CCDC85C: variants seen among roughly 807,000 people sequenced by gnomAD.
The protein encoded by CCDC85C is coiled-coil domain containing 85C.
Under a neutral mutation model 38.3 loss-of-function variants are expected in CCDC85C, and 18 were observed. That is an observed-to-expected ratio of 0.47 (90% CI 0.33 to 0.70). The LOEUF (loss-of-function observed/expected upper bound fraction) is 0.70, where lower values mean the gene tolerates loss of function less well. Among genes scored for constraint, CCDC85C ranks in the 30% least tolerant of loss-of-function variants. The probability of loss-of-function intolerance (pLI) is 0.03; values close to 1 mark genes in which losing one functional copy is unlikely to be tolerated. For synonymous variants in CCDC85C, 264 were observed against 293.8 expected (o/e 0.90, Z 1.04); for missense variants, 566 against 621.2 (o/e 0.91, Z 0.94).
intron 1 of CCDC85C, among the ~76,000 whole-genome samples, chr14:99,552,386 G>A (rs148741333): frequency 6.6e-6 from 1 of 152,216 alleles, no homozygotes; most frequent in Non-Finnish European, 1.5e-5. Context: ...TTGCAGGGAG[G>A]GGGAGGCGCA....
chr14:99,591,389 C>T (rs899838982), intron 1 of CCDC85C, among the ~76,000 whole-genome samples: 2 of 152,240 alleles, frequency 1.3e-5, no homozygotes, highest in African/African-American at 4.8e-5. Flanking sequence ...CACCTACAGC[C>T]GCAGGACATC....
chr14:99,570,483 G>T (rs1165367659), intron 1 of CCDC85C, among the ~76,000 whole-genome samples: 1 of 152,218 alleles, frequency 6.6e-6, no homozygotes, highest in African/African-American at 2.4e-5. Flanking sequence ...TCACGGCAGG[G>T]GCCAGAGGGG....
In CCDC85C at chr14:99,603,032, G is replaced by T. The variant is rs2055220643; in HGVS notation, c.793+135C>A. ...GTGAGTGCGGGATCCCCTGGCCCAG[G>T]ATCCATGACAGCTGGAGGAGTCTGG... On this transcript the variant is annotated intron_variant, in intron 1 of 5. Coordinates refer to ENST00000380243, the MANE Select transcript of CCDC85C (RefSeq NM_001144995.2). The surrounding 1 kb of genome is among the most constrained non-coding windows in gnomAD (Gnocchi z 7.5). The T allele has an allele frequency of 1.5e-5, 17 of 1,152,026 alleles. No homozygotes were observed. The highest frequency in any genetic ancestry group is 3.8e-5 in the South Asian group (1 of 26,098). The allele number at this position is 1,152,026 out of a possible 1,614,324, so 71.4% of individuals were successfully genotyped here.
At chr14:99,526,556 G>A (rs1483518803) in intron 2 of CCDC85C, among the ~76,000 whole-genome samples, 1 of 152,168 alleles carries the variant, frequency 6.6e-6, no homozygotes, top group Non-Finnish European at 1.5e-5. Flanking sequence ...ACGGCCCAGT[G>A]ACCACCCCGT....
In CCDC85C at chr14:99,601,742, G is replaced by C. The variant is rs552711710; in HGVS notation, c.793+1425C>G. Reference sequence around the variant, plus strand: ...CCTGAAGCAGCCTGTGGTGGGAGGTGGGGGTGGATACAGTGTTACAAAGAG... The same window carrying C: ...CCTGAAGCAGCCTGTGGTGGGAGGTCGGGGTGGATACAGTGTTACAAAGAG... On this transcript the variant is annotated intron_variant, in intron 1 of 5. Transcript: ENST00000380243. Among the ~76,000 whole-genome samples, 193 of 152,312 alleles carry C rather than the reference G, an allele frequency of 1.3e-3. 1 individual carries two copies. The highest frequency in any genetic ancestry group is 1.0e-3 in the Non-Finnish European group (71 of 68,034).
At position 99,510,556 on chromosome 14, in the gene CCDC85C, AC is replaced by A; in HGVS notation, c.*4689del. 2 of 261,180 alleles carry A rather than the reference AC, an allele frequency of 7.7e-6. No individual in the cohort carries two copies. Among genetic ancestry groups the A allele is most frequent in the South Asian group, 2.3e-5 (1 of 42,558 alleles). 16.2% of individuals were successfully genotyped at this position (261,180 alleles called of 1,614,324 possible). A position where few individuals can be genotyped will look rare whatever the true frequency, so the allele number is the denominator to read the frequency against. On this transcript the variant is annotated 3_prime_UTR_variant, in exon 6 of 6. Transcript: ENST00000380243. ...GCCATCCCACCCCCTACTCCTGGCT[AC>A]CCCCCACCCCCACCCACCTACAACC...
intron 1 of CCDC85C, among the ~76,000 whole-genome samples, chr14:99,536,662 T>TGCA (rs1897607229): frequency 6.6e-6 from 1 of 152,216 alleles, no homozygotes. Context: ...CAGCATATGC[T>TGCA]GCAGGTGAGC....
At chr14:99,518,710 T>TCATGTCCC (rs374149958) in intron 3 of CCDC85C, among the ~76,000 whole-genome samples, 1,768 of 152,244 alleles carry the variant, frequency 0.012, 32 homozygotes, top group African/African-American at 0.041. Flanking sequence ...ACCTCTGGCC[T>TCATGTCCC]CATCTGCACC....
chr14:99,603,067 C>A lies in CCDC85C; in HGVS notation c.793+100G>T. 2 of 1,246,544 alleles carry A rather than the reference C, an allele frequency of 1.6e-6. No individual in the cohort carries two copies. Among genetic ancestry groups the A allele is most frequent in the African/African-American group, 3.1e-5 (2 of 64,254 alleles). The allele number at this position is 1,246,544 out of a possible 1,614,324, so 77.2% of individuals were successfully genotyped here. ...AGCTGGAGGAGTCTGGAGTGGCGGCCGCATGAGTGGGACAGCCAGGGACCA... is the reference window on the plus strand; with the variant it reads ...AGCTGGAGGAGTCTGGAGTGGCGGCAGCATGAGTGGGACAGCCAGGGACCA... On this transcript the variant is annotated intron_variant, in intron 1 of 5. Transcript: ENST00000380243. This position sits in a 1 kb window ranked among gnomAD's most constrained non-coding sequence, Gnocchi z 7.5.
At chr14:99,581,781 T>C (rs917707765) in intron 1 of CCDC85C, among the ~76,000 whole-genome samples, 1 of 152,332 alleles carries the variant, frequency 6.6e-6, no homozygotes, top group East Asian at 1.9e-4. Context: ...TGGCCCCAGA[T>C]GTGAGCAGCT....
Position 99,545,922 on chromosome 14 carries a change from TC to T in CCDC85C, c.794-9835del, listed in dbSNP as rs1041923917. On this transcript the variant is annotated intron_variant, in intron 1 of 5. Coordinates refer to ENST00000380243, the MANE Select transcript of CCDC85C (RefSeq NM_001144995.2). This position sits in a 1 kb window ranked among gnomAD's most constrained non-coding sequence, Gnocchi z 4.7. ...GTGGTCACTGTTCCAATCATCCAAC[TC>T]CCAGCCTCCAACTCCGAGGGACCCT... Among the ~76,000 whole-genome samples the T allele has an allele frequency of 6.6e-6, 1 of 152,010 alleles. No homozygotes were observed. The highest frequency in any genetic ancestry group is 2.4e-5 in the African/African-American group (1 of 41,384).
chr14:99,503,029 T>G lies in CCDC85C; in HGVS notation c.*12217A>C. On this transcript the variant is annotated 3_prime_UTR_variant, in exon 6 of 6. Coordinates refer to ENST00000380243, the MANE Select transcript of CCDC85C (RefSeq NM_001144995.2). The stretch of plus-strand genomic sequence containing the variant: ...CCCTGGGTAGAGCAGGCTTTCCAGG[T>G]GGCGGCAACACCTGAGCACTGTTCC... 1 of 1,602,118 alleles carries G rather than the reference T, an allele frequency of 6.2e-7. No individual in the cohort carries two copies.
chr14:99,555,391 T>C (rs553112981), intron 1 of CCDC85C, among the ~76,000 whole-genome samples: 2 of 152,306 alleles, frequency 1.3e-5, no homozygotes, highest in African/African-American at 4.8e-5. Context: ...GTCAGTGGCA[T>C]GGCCGGGGTG....
At chr14:99,563,767 C>T (rs1328031527) in intron 1 of CCDC85C, among the ~76,000 whole-genome samples, 1 of 152,200 alleles carries the variant, frequency 6.6e-6, no homozygotes, top group Non-Finnish European at 1.5e-5. Flanking sequence ...TCTCTGTGGG[C>T]AAGGGGACAT....
chr14:99,557,105 CCT>C (rs1283816425), intron 1 of CCDC85C, among the ~76,000 whole-genome samples: 2 of 152,222 alleles, frequency 1.3e-5, no homozygotes, highest in Non-Finnish European at 1.5e-5. Flanking sequence ...GAGCACTTTA[CCT>C]CTGTTACCTT....
Position 99,501,272 on chromosome 14 carries a change from A to G in CCDC85C, c.*13974T>C. The G allele has an allele frequency of 1.1e-6, 1 of 869,626 alleles. No homozygotes were observed. The highest frequency in any genetic ancestry group is 1.3e-5 in the South Asian group (1 of 74,162). 53.9% of individuals were successfully genotyped at this position (869,626 alleles called of 1,614,324 possible). On this transcript the variant is annotated 3_prime_UTR_variant, in exon 6 of 6. Transcript: ENST00000380243. ...GCTGTGTATTTGAGTGGTGCTGAAC[A>G]CGTGGTAGGTTTTTAATAAATACTT... is the stretch of plus-strand genomic sequence containing the variant.
At position 99,558,886 on chromosome 14, in the gene CCDC85C, C is replaced by T. The variant is rs1202193116; in HGVS notation, c.794-22798G>A. Among the ~76,000 whole-genome samples, 3 of 152,156 alleles carry T rather than the reference C, an allele frequency of 2.0e-5. No homozygotes were observed. The highest frequency in any genetic ancestry group is 4.4e-5 in the Non-Finnish European group (3 of 68,034). On this transcript the variant is annotated intron_variant, in intron 1 of 5. Transcript: ENST00000380243. This position sits in a 1 kb window ranked among gnomAD's most constrained non-coding sequence, Gnocchi z 4.2. ...GGGGCCTGGAGGGAGGTGACCGGAT[C>T]ATCCGGGTGGTTTCTGATGGTTTAG...
At position 99,533,773 on chromosome 14, in the gene CCDC85C, C is replaced by T. The variant is rs1897537642; in HGVS notation, c.867+2242G>A. ...GGCTCAAGGCTGAAGCTCCCATCTA[C>T]CTCCACCTGTGCACAGGTGGGTGCA... On this transcript the variant is annotated intron_variant, in intron 2 of 5. Coordinates refer to ENST00000380243, the MANE Select transcript of CCDC85C (RefSeq NM_001144995.2). This position sits in a 1 kb window ranked among gnomAD's most constrained non-coding sequence, Gnocchi z 4.2. Among the ~76,000 whole-genome samples the T allele has an allele frequency of 1.3e-5, 2 of 152,234 alleles. No individual in the cohort carries two copies.
chr14:99,583,867 A>C lies in CCDC85C; in HGVS notation c.793+19300T>G, dbSNP rs1028090497. On this transcript the variant is annotated intron_variant, in intron 1 of 5. Transcript: ENST00000380243. Reference sequence around the variant, plus strand: ...CATACACATGTGATAAAATCTCATAAAACACTGCACACACAGAGAAATGAG... The same window carrying C: ...CATACACATGTGATAAAATCTCATACAACACTGCACACACAGAGAAATGAG... Among the ~76,000 whole-genome samples, 4 of 151,984 alleles carry C rather than the reference A, an allele frequency of 2.6e-5. No homozygotes were observed. In the East Asian group the frequency reaches 7.7e-4, roughly 29 times the overall value.
Sources: gnomAD v4.1 joint callset for allele counts (sites outside exome capture counted in the v4.1 genomes callset) on GRCh38, gnomAD v4.1.1 for gene constraint, Gnocchi (gnomAD v3.1) non-coding constraint, MANE v1.5 for transcripts, NCBI Gene and HGNC (gene_info 2026-07-23, HGNC 2026-07-21) for gene names.